CCDC144A: variants seen among roughly 807,000 people sequenced by gnomAD.
CCDC144A encodes coiled-coil domain containing 144A.
Under a neutral mutation model 143.8 loss-of-function variants are expected in CCDC144A, and 41 were observed. The observed-to-expected ratio is 0.29, with a 90% confidence interval of 0.22 to 0.37. The LOEUF (loss-of-function observed/expected upper bound fraction) is 0.37. Among genes scored for constraint, CCDC144A ranks in the 10% least tolerant of loss-of-function variants. The probability of loss-of-function intolerance (pLI) is 1.00; values close to 1 mark genes in which losing one functional copy is unlikely to be tolerated. For missense variants in CCDC144A, 637 were observed against 1,488.8 expected, an observed-to-expected ratio of 0.43 and a Z score of 9.41; for synonymous variants, 242 against 517.9, an observed-to-expected ratio of 0.47 and a Z score of 7.23.
the CCDC144A span, among the ~76,000 whole-genome samples, chr17:16,669,525 C>A: frequency 4.6e-5 from 7 of 152,200 alleles, no homozygotes; most frequent in Non-Finnish European, 8.8e-5. Flanking sequence ...AGTGGATAGA[C>A]AAGCATTCTC....
chr17:16,686,134 G>T (rs1330791970), upstream of CCDC144A, among the ~76,000 whole-genome samples: 5 of 127,950 alleles, frequency 3.9e-5, no homozygotes, highest in Middle Eastern at 4.7e-3. Flanking sequence ...TTGCTCTGTT[G>T]CTCAGGCTGG....
At chr17:16,689,750 G>C (rs1391227033), upstream of CCDC144A, 2 of 152,286 alleles carry the variant, frequency 1.3e-5, no homozygotes, top group Non-Finnish European at 2.9e-5. Context: ...CAGCGGCGTC[G>C]GGCAGGCCCT....
chr17:16,681,461 A>T, the CCDC144A span, among the ~76,000 whole-genome samples: 3 of 152,172 alleles, frequency 2.0e-5, no homozygotes, highest in Admixed American at 1.3e-4. Flanking sequence ...AGTGATCTCC[A>T]GCTCATGGAG....
At chr17:16,684,130 G>C in the CCDC144A span, 1 of 1,158,224 alleles carries the variant, frequency 8.6e-7, no homozygotes, top group Non-Finnish European at 1.3e-6. Flanking sequence ...TTCAAGGTTG[G>C]AAGAAAAATG....
intron 12 of CCDC144A, among the ~76,000 whole-genome samples, chr17:16,737,048 CCTT>C (rs1310670478): frequency 1.3e-5 from 2 of 151,036 alleles, no homozygotes; most frequent in African/African-American, 2.4e-5. Context: ...GAAGATAACA[CCTT>C]CTTTGTCCTT....
chr17:16,752,449 C>A (rs984665326), intron 12 of CCDC144A, among the ~76,000 whole-genome samples: 1 of 151,970 alleles, frequency 6.6e-6, no homozygotes, highest in Non-Finnish European at 1.5e-5. Context: ...CCTCTCTTCT[C>A]GGCATTGTGA....
chr17:16,749,365 A>G (rs1914680542), intron 12 of CCDC144A, among the ~76,000 whole-genome samples: 1 of 152,144 alleles, frequency 6.6e-6, no homozygotes, highest in Admixed American at 6.5e-5. Context: ...TTTAGGAGCC[A>G]GTTGTTTGAT....
intron 2 of CCDC144A, among the ~76,000 whole-genome samples, chr17:16,700,688 C>A (rs558500844): frequency 2.8e-4 from 42 of 152,268 alleles, no homozygotes; most frequent in African/African-American, 9.9e-4. Flanking sequence ...CAGACCATAA[C>A]ATGGTACTGG....
intron 12 of CCDC144A, among the ~76,000 whole-genome samples, chr17:16,760,292 CACCACTTCACTTACCTTTATAAAATA>C (rs1915303386): frequency 6.7e-6 from 1 of 150,354 alleles, no homozygotes; most frequent in Admixed American, 6.6e-5. Context: ...GTTTTAAAAC[CACCACTTCACTTACCTTTATAAAATA>C]AAAAACAATC....
the CCDC144A span, among the ~76,000 whole-genome samples, chr17:16,678,585 C>CTTTA: frequency 7.3e-6 from 1 of 136,868 alleles, no homozygotes; most frequent in East Asian, 2.1e-4. Context: ...TTTTTCTTTT[C>CTTTA]TTTTTTTTTT....
intron 1 of CCDC144A, among the ~76,000 whole-genome samples, chr17:16,691,137 C>T (rs148741751): frequency 5.5e-4 from 84 of 152,088 alleles, no homozygotes; most frequent in African/African-American, 1.9e-3. Context: ...ATCACGAGGT[C>T]AGAAGTTCGA....
the CCDC144A span, among the ~76,000 whole-genome samples, chr17:16,677,674 A>G: frequency 2.0e-5 from 3 of 152,088 alleles, no homozygotes; most frequent in African/African-American, 7.2e-5. Flanking sequence ...TCTACTAAAA[A>G]TACAAAATGG....
At chr17:16,673,714 A>G in the CCDC144A span, among the ~76,000 whole-genome samples, 1 of 152,094 alleles carries the variant, frequency 6.6e-6, no homozygotes, top group Admixed American at 6.6e-5. Flanking sequence ...AAAATTTTAT[A>G]CTATCGTTTA....
intron 6 of CCDC144A, among the ~76,000 whole-genome samples, chr17:16,717,061 A>G (rs1465381219): frequency 2.0e-5 from 3 of 150,362 alleles, no homozygotes; most frequent in Admixed American, 6.6e-5. Context: ...TCGGCCTCCC[A>G]AAGTGCTGGG....
chr17:16,731,378 T>C (rs1913733466), intron 9 of CCDC144A: 1 of 208,812 alleles, frequency 4.8e-6, no homozygotes, highest in African/African-American at 2.4e-5. Context: ...TTCATGAAGA[T>C]GAAAATGCAT....
At chr17:16,719,437 G>A (rs1912961694) in intron 6 of CCDC144A, among the ~76,000 whole-genome samples, 1 of 152,144 alleles carries the variant, frequency 6.6e-6, no homozygotes, top group Non-Finnish European at 1.5e-5. Context: ...GTCAGAAATG[G>A]AATGGCAATG....
chr17:16,770,546 C>T (rs1915787430), intron 15 of CCDC144A, among the ~76,000 whole-genome samples: 2 of 152,010 alleles, frequency 1.3e-5, no homozygotes, highest in African/African-American at 2.4e-5. Flanking sequence ...AAGCCCACTC[C>T]TACCTTGTAA....
intron 6 of CCDC144A, among the ~76,000 whole-genome samples, chr17:16,717,604 T>C (rs562799652): frequency 7.1e-4 from 108 of 152,288 alleles, no homozygotes; most frequent in Admixed American, 2.0e-3. Context: ...TCTTCTGTAA[T>C]GCCTTCCTTG....
the CCDC144A span, among the ~76,000 whole-genome samples, chr17:16,683,091 G>A: frequency 2.0e-5 from 3 of 151,460 alleles, no homozygotes; most frequent in Middle Eastern, 3.4e-3. Context: ...TGGGGAGACG[G>A]TGAAATCATT....
Sources: gnomAD v4.1 joint callset for allele counts (sites outside exome capture counted in the v4.1 genomes callset) on GRCh38, gnomAD v4.1.1 for gene constraint, MANE v1.5 for transcripts, NCBI Gene and HGNC (gene_info 2026-07-23, HGNC 2026-07-21) for gene names.